The following ARHGAP10 variants were observed in gnomAD, a reference collection of about 807,000 sequenced individuals.
ARHGAP10 encodes rho GTPase-activating protein 10.
A neutral mutation model predicts 108.6 loss-of-function variants in ARHGAP10; 87 were observed. The ratio of observed to expected loss-of-function variants is 0.80; its 90% CI spans 0.67 to 0.96. The LOEUF (loss-of-function observed/expected upper bound fraction) is 0.96. Ranked by LOEUF, ARHGAP10 falls within the 40% of genes least tolerant of loss-of-function variation. The pLI, the probability that ARHGAP10 is intolerant of heterozygous loss-of-function variation, is 0.00. For missense variants in ARHGAP10, 939 were observed against 954.5 expected (o/e 0.98, Z 0.21); for synonymous variants, 347 against 341.1 (o/e 1.02, Z -0.19).
intron 18 of ARHGAP10, among the ~76,000 whole-genome samples, chr4:147,967,840 A>C (rs1273792600): frequency 6.6e-6 from 1 of 152,002 alleles, no homozygotes; most frequent in African/African-American, 2.4e-5. Flanking sequence ...GCCTCTTGTA[A>C]GTGGCTGCAT....
At chr4:147,934,058 G>T (rs1737822523) in intron 13 of ARHGAP10, among the ~76,000 whole-genome samples, 1 of 152,206 alleles carries the variant, frequency 6.6e-6, no homozygotes, top group Admixed American at 6.5e-5. Context: ...TTGGGACCTT[G>T]GCTGAGGGGC....
Position 148,063,308 on chromosome 4 carries a change from G to C in ARHGAP10, c.2180+8G>C, listed in dbSNP as rs1412633214. 1.2e-6 allele frequency: 2 copies of C among 1,614,102 alleles called. No homozygotes were observed. Among genetic ancestry groups the C allele is most frequent in the African/African-American group, 1.3e-5 (1 of 75,026 alleles). On this transcript the variant is annotated splice_region_variant and intron_variant, in intron 21 of 22. Transcript: ENST00000336498. ...GGACAAGCCACCTGAAAGGTACGTG[G>C]TTTGGAGTGGAATGTGGAATATGGT...
In ARHGAP10 at chr4:148,063,313, G is replaced by A; in HGVS notation, c.2180+13G>A. 6.2e-7 allele frequency: 1 copy of A among 1,614,054 alleles called. No homozygotes were observed. ...AGCCACCTGAAAGGTACGTGGTTTG[G>A]AGTGGAATGTGGAATATGGTGGCAG... On this transcript the variant is annotated intron_variant, in intron 21 of 22. Coordinates refer to ENST00000336498, the MANE Select transcript of ARHGAP10 (RefSeq NM_024605.4).
intron 1 of ARHGAP10, among the ~76,000 whole-genome samples, chr4:147,733,118 C>T (rs757258362): frequency 4.6e-5 from 7 of 152,174 alleles, no homozygotes; most frequent in Non-Finnish European, 8.8e-5. Flanking sequence ...AGCCTGCCCT[C>T]TAGCCTAGGC....
chr4:147,850,487 C>G (rs762481119), intron 4 of ARHGAP10, among the ~76,000 whole-genome samples: 1 of 152,136 alleles, frequency 6.6e-6, no homozygotes, highest in Non-Finnish European at 1.5e-5. Flanking sequence ...ATGAACCCAG[C>G]GGGAGGAACA....
chr4:147,959,415 C>T (rs1738908290), intron 16 of ARHGAP10, among the ~76,000 whole-genome samples: 1 of 151,884 alleles, frequency 6.6e-6, no homozygotes, highest in South Asian at 2.1e-4. Flanking sequence ...ATGTGTACAA[C>T]GTGCAGATTT....
At chr4:147,983,746 A>T (rs534614354) in intron 18 of ARHGAP10, among the ~76,000 whole-genome samples, 1 of 148,648 alleles carries the variant, frequency 6.7e-6, no homozygotes, top group South Asian at 2.4e-4. Flanking sequence ...TTTCTCTTTG[A>T]TCTTGTTGCA....
chr4:148,044,543 C>G (rs536066691), intron 19 of ARHGAP10, among the ~76,000 whole-genome samples: 1 of 152,266 alleles, frequency 6.6e-6, no homozygotes, highest in African/African-American at 2.4e-5. Flanking sequence ...TTTGCTATGT[C>G]TAGCTGAGCA....
intron 13 of ARHGAP10, among the ~76,000 whole-genome samples, chr4:147,937,397 A>T (rs1737997941): frequency 6.6e-6 from 1 of 151,354 alleles, no homozygotes; most frequent in African/African-American, 2.4e-5. Flanking sequence ...TTTTTTCAAG[A>T]CCTTATTTCT....
At chr4:148,032,509 A>G (rs1728197900) in intron 19 of ARHGAP10, among the ~76,000 whole-genome samples, 1 of 152,078 alleles carries the variant, frequency 6.6e-6, no homozygotes, top group African/African-American at 2.4e-5. Flanking sequence ...ATGATTGAAT[A>G]TCATCATTTT....
At chr4:147,795,590 T>C (rs1321879427) in intron 1 of ARHGAP10, among the ~76,000 whole-genome samples, 1 of 152,186 alleles carries the variant, frequency 6.6e-6, no homozygotes, top group Non-Finnish European at 1.5e-5. Context: ...TGTGTAGTAT[T>C]CACGTGGTGC....
intron 19 of ARHGAP10, among the ~76,000 whole-genome samples, chr4:148,035,093 A>G (rs905556084): frequency 2.6e-5 from 4 of 152,172 alleles, no homozygotes; most frequent in African/African-American, 9.7e-5. Flanking sequence ...CCTGATGCCT[A>G]TTAGCTGTTG....
intron 18 of ARHGAP10, among the ~76,000 whole-genome samples, chr4:147,979,602 T>C (rs964386305): frequency 3.9e-5 from 6 of 152,306 alleles, no homozygotes; most frequent in Admixed American, 3.9e-4. Context: ...GAAGTAATGC[T>C]GAATCTGTGG....
chr4:148,036,042 A>T (rs150237819), intron 19 of ARHGAP10, among the ~76,000 whole-genome samples: 269 of 146,252 alleles, frequency 1.8e-3, no homozygotes, highest in African/African-American at 6.4e-3. Flanking sequence ...TACTATTCTA[A>T]TTTGTTTAAT....
chr4:147,919,664 C>T (rs745503721), intron 13 of ARHGAP10, among the ~76,000 whole-genome samples: 17 of 152,038 alleles, frequency 1.1e-4, no homozygotes, highest in Non-Finnish European at 2.1e-4. Flanking sequence ...CCTCCGTCTC[C>T]GCCTCCCGGG....
intron 7 of ARHGAP10, among the ~76,000 whole-genome samples, chr4:147,869,005 C>T (rs1734689254): frequency 6.6e-6 from 1 of 152,158 alleles, no homozygotes; most frequent in Admixed American, 6.5e-5. Flanking sequence ...TGGAAATTCA[C>T]CTTGTCTGTC....
chr4:147,896,814 T>C (rs1259927035), intron 10 of ARHGAP10, among the ~76,000 whole-genome samples: 1 of 152,146 alleles, frequency 6.6e-6, no homozygotes, highest in Non-Finnish European at 1.5e-5. Flanking sequence ...TAAAAATTAT[T>C]TATTTCCTTA....
At chr4:147,953,194 A>T (rs188752801) in intron 15 of ARHGAP10, among the ~76,000 whole-genome samples, 16 of 152,040 alleles carry the variant, frequency 1.1e-4, no homozygotes, top group Non-Finnish European at 7.4e-5. Flanking sequence ...AGTTGCATCT[A>T]TGTTCATGAG....
At position 147,971,310 on chromosome 4, in the gene ARHGAP10, T is replaced by C. The variant is rs561612446; in HGVS notation, c.1716+4471T>C. Among the ~76,000 whole-genome samples the C allele has an allele frequency of 8.5e-5, 13 of 152,162 alleles. No individual in the cohort carries two copies. The East Asian group carries it at 1.4e-3, about 16-fold the overall frequency. On this transcript the variant is annotated intron_variant, in intron 18 of 22. Coordinates refer to ENST00000336498, the MANE Select transcript of ARHGAP10 (RefSeq NM_024605.4). Reference sequence around the variant, plus strand: ...TTATGCATTAATTTGGTGCATTTTTTCCCCCAGTGCCTGCTGTGAGTCATT... The same window carrying C: ...TTATGCATTAATTTGGTGCATTTTTCCCCCCAGTGCCTGCTGTGAGTCATT...
Sources: allele counts gnomAD v4.1 joint callset (sites outside exome capture counted in the v4.1 genomes callset), GRCh38; gene constraint gnomAD v4.1.1; transcripts MANE v1.5; gene names NCBI Gene and HGNC (gene_info 2026-07-23, HGNC 2026-07-21).